THSD7A: variants seen among roughly 807,000 people sequenced by gnomAD.
THSD7A encodes thrombospondin type 1 domain containing 7A, also known as thrombospondin type-1 domain-containing protein 7A.
In THSD7A, 96 loss-of-function variants were observed where a neutral mutation model predicts 231.3. That is an observed-to-expected ratio of 0.41 (90% CI 0.35 to 0.49). The LOEUF (loss-of-function observed/expected upper bound fraction) is 0.49, where lower values mean the gene tolerates loss of function less well. Ranked by LOEUF, THSD7A falls within the 20% of genes least tolerant of loss-of-function variation. The probability of loss-of-function intolerance (pLI) is 0.05; values close to 1 mark genes in which losing one functional copy is unlikely to be tolerated. For synonymous variants in THSD7A, 940 were observed against 743.3 expected (o/e 1.26, Z -4.30); for missense variants, 2,290 against 2,070.2 (o/e 1.11, Z -2.06).
At chr7:11,672,518 AT>A (rs1205491111) in intron 1 of THSD7A, among the ~76,000 whole-genome samples, 1 of 152,036 alleles carries the variant, frequency 6.6e-6, no homozygotes. Flanking sequence ...CATTTTAAAC[AT>A]GTTTTGCATA....
At chr7:11,741,480 C>A (rs1016098964) in intron 1 of THSD7A, among the ~76,000 whole-genome samples, 1 of 151,714 alleles carries the variant, frequency 6.6e-6, no homozygotes, top group Non-Finnish European at 1.5e-5. Flanking sequence ...TATATATGCA[C>A]TGAAAAAATA....
chr7:11,763,026 C>T (rs1408636702), intron 1 of THSD7A, among the ~76,000 whole-genome samples: 1 of 152,146 alleles, frequency 6.6e-6, no homozygotes, highest in Non-Finnish European at 1.5e-5. Context: ...GTATTTCTAA[C>T]GTATAAACTA....
intron 6 of THSD7A, among the ~76,000 whole-genome samples, chr7:11,513,173 G>A (rs1787890688): frequency 6.6e-6 from 1 of 151,226 alleles, no homozygotes; most frequent in Non-Finnish European, 1.5e-5. Context: ...AGTGGGAGGG[G>A]TGCCAGGGAT....
rs940613705 is a variant in THSD7A, at chr7:11,444,783, C to G, written c.3064+1278G>C. On this transcript the variant is annotated intron_variant, in intron 13 of 27. Transcript: ENST00000423059. This position sits in a 1 kb window ranked among gnomAD's most constrained non-coding sequence, Gnocchi z 4.2. ...AAGAGAGGGGGCACAGTTGTCTGCT[C>G]TGTGTGTGTGTGTGTGTGTGTGTGT... Among the ~76,000 whole-genome samples the G allele has an allele frequency of 2.3e-4, 33 of 144,560 alleles. No individual in the cohort carries two copies. Among genetic ancestry groups the G allele is most frequent in the African/African-American group, 3.5e-4 (14 of 39,616 alleles). 94.8% of individuals were successfully genotyped at this position (144,560 alleles called of 152,430 possible).
intron 7 of THSD7A, among the ~76,000 whole-genome samples, chr7:11,475,969 AT>A (rs1195217160): frequency 6.8e-6 from 1 of 147,466 alleles, no homozygotes; most frequent in Non-Finnish European, 1.5e-5. Context: ...TGTAAGAATA[AT>A]TAACTATATC....
chr7:11,378,602 C>G (rs1782375846), intron 26 of THSD7A: 1 of 159,882 alleles, frequency 6.3e-6, no homozygotes, highest in African/African-American at 2.4e-5. Context: ...CTAATAGAAA[C>G]TGGTCTAGCT....
chr7:11,517,222 G>A (rs773528834), intron 6 of THSD7A, among the ~76,000 whole-genome samples: 1 of 151,988 alleles, frequency 6.6e-6, no homozygotes, highest in Admixed American at 6.6e-5. Flanking sequence ...GGGATTACAG[G>A]TGCCCACCAC....
chr7:11,801,451 G>GCCT (rs556163637), intron 1 of THSD7A, among the ~76,000 whole-genome samples: 124 of 152,218 alleles, frequency 8.1e-4, no homozygotes, highest in South Asian at 2.9e-3. Context: ...AGCATAGAGG[G>GCCT]CCTAAGAAAC....
At chr7:11,471,488 ATAAG>A (rs1785935989) in intron 8 of THSD7A, among the ~76,000 whole-genome samples, 1 of 152,002 alleles carries the variant, frequency 6.6e-6, no homozygotes. Context: ...ATCTTGTATT[ATAAG>A]TATTTATGTA....
intron 6 of THSD7A, among the ~76,000 whole-genome samples, chr7:11,511,627 C>T (rs983946994): frequency 2.0e-5 from 3 of 152,142 alleles, no homozygotes; most frequent in African/African-American, 2.4e-5. Flanking sequence ...AGAAATAATA[C>T]CACACATCTA....
intron 13 of THSD7A, among the ~76,000 whole-genome samples, chr7:11,434,521 T>C (rs1312817803): frequency 6.6e-6 from 1 of 152,136 alleles, no homozygotes; most frequent in Admixed American, 6.6e-5. Flanking sequence ...CTGAAAGGAA[T>C]ACTGTTGATG....
intron 1 of THSD7A, among the ~76,000 whole-genome samples, chr7:11,675,884 T>C (rs1783619468): frequency 1.3e-5 from 2 of 152,094 alleles, no homozygotes; most frequent in South Asian, 2.1e-4. Context: ...GAAGAGAAAA[T>C]GGATCTCCCA....
In THSD7A at chr7:11,831,978, G is replaced by T. The variant is rs1562586711; in HGVS notation, c.-32C>A. On this transcript the variant is annotated 5_prime_UTR_variant, in exon 1 of 28. Coordinates refer to ENST00000423059, the MANE Select transcript of THSD7A (RefSeq NM_015204.3). The surrounding 1 kb of genome is among the most constrained non-coding windows in gnomAD (Gnocchi z 5.0). ...TGCAGCCACTCCAGGGTCCAGAGCC[G>T]TAGCACGCTCGGCAGGGAATTTTTC... 2.5e-6 allele frequency: 3 copies of T among 1,215,420 alleles called. No individual in the cohort carries two copies. Among genetic ancestry groups the T allele is most frequent in the South Asian group, 8.3e-5 (2 of 24,198 alleles). The allele number at this position is 1,215,420 out of a possible 1,614,324, so 75.3% of individuals were successfully genotyped here. A position where few individuals can be genotyped will look rare whatever the true frequency, so the allele number is the denominator to read the frequency against.
chr7:11,577,621 A>T (rs1017525279), intron 4 of THSD7A, among the ~76,000 whole-genome samples: 7 of 150,364 alleles, frequency 4.7e-5, no homozygotes, highest in African/African-American at 9.8e-5. Context: ...CTGGCCTCTA[A>T]ACCCTATGTT....
intron 6 of THSD7A, among the ~76,000 whole-genome samples, chr7:11,487,833 G>A (rs1207250889): frequency 6.6e-5 from 10 of 152,078 alleles, no homozygotes; most frequent in African/African-American, 1.7e-4. Context: ...CCCTTGACAC[G>A]TGGGGATTAT....
intron 1 of THSD7A, among the ~76,000 whole-genome samples, chr7:11,781,618 C>T (rs779445910): frequency 3.9e-5 from 6 of 152,098 alleles, no homozygotes; most frequent in Non-Finnish European, 8.8e-5. Context: ...ATTATCAAAA[C>T]CTGGGTTGGT....
rs3735503 is a variant in THSD7A, at chr7:11,375,790, T to G, written c.*4A>C. 25 of 1,611,550 alleles carry G rather than the reference T, an allele frequency of 1.6e-5. No homozygotes were observed. Among genetic ancestry groups the G allele is most frequent in the Non-Finnish European group, 2.0e-5 (24 of 1,178,468 alleles). ...AACTGGTTGTTGCCAGGAAAAGTTA[T>G]ATGTTACATGTCGGCATCTCCATCA... On this transcript the variant is annotated 3_prime_UTR_variant, in exon 28 of 28. Transcript: ENST00000423059.
intron 2 of THSD7A, among the ~76,000 whole-genome samples, chr7:11,596,818 A>C (rs1232089871): frequency 1.3e-5 from 2 of 152,220 alleles, no homozygotes; most frequent in African/African-American, 4.8e-5. Flanking sequence ...TTCATTGCTT[A>C]AGCAAATTAA....
chr7:11,832,116 T>C lies in THSD7A; in HGVS notation c.-170A>G. ...CGTCTAACACCAGGGAACAATAGCG[T>C]CCGCGGTGGTGGCCGTGGCCGCTGC... On this transcript the variant is annotated 5_prime_UTR_variant, in exon 1 of 28. Coordinates refer to ENST00000423059, the MANE Select transcript of THSD7A (RefSeq NM_015204.3). 2.5e-6 allele frequency: 1 copy of C among 404,940 alleles called. No homozygotes were observed. The highest frequency in any genetic ancestry group is 4.5e-5 in the East Asian group (1 of 22,200). The allele number at this position is 404,940 out of a possible 1,614,324, so 25.1% of individuals were successfully genotyped here. A position where few individuals can be genotyped will look rare whatever the true frequency, so the allele number is the denominator to read the frequency against.
Sources: gnomAD v4.1 joint callset for allele counts (sites outside exome capture counted in the v4.1 genomes callset) on GRCh38, gnomAD v4.1.1 for gene constraint, Gnocchi (gnomAD v3.1) non-coding constraint, MANE v1.5 for transcripts, NCBI Gene and HGNC (gene_info 2026-07-23, HGNC 2026-07-21) for gene names.